Variants in TRPM7 observed in about 807,000 individuals in gnomAD.
TRPM7 encodes the protein LTRPC ion channel family member 7.
A neutral mutation model predicts 229.7 loss-of-function variants in TRPM7; 134 were observed. That is an observed-to-expected ratio of 0.58 (90% CI 0.51 to 0.67). The LOEUF is 0.67. TRPM7 is among the 30% of genes least tolerant of loss of function. The pLI is 0.00. For missense variants in TRPM7, 1,901 were observed against 2,210.0 expected, an observed-to-expected ratio of 0.86 and a Z score of 2.80; for synonymous variants, 699 against 715.2, an observed-to-expected ratio of 0.98 and a Z score of 0.36.
At chr15:50,617,816 C>T (rs999705983) in intron 13 of TRPM7, among the ~76,000 whole-genome samples, 2 of 151,814 alleles carry the variant, frequency 1.3e-5, no homozygotes, top group Non-Finnish European at 2.9e-5. Flanking sequence ...GACAACATGC[C>T]GGGCTAATTT....
At position 50,635,280 on chromosome 15, in the gene TRPM7, T is replaced by C. The variant is rs1306673878; in HGVS notation, c.833-724A>G. 2.4e-5 allele frequency among the ~76,000 whole-genome samples: 3 copies of C among 122,952 alleles called. No individual in the cohort carries two copies. In the East Asian group the frequency reaches 7.9e-4, roughly 32 times the overall value. 80.7% of individuals were successfully genotyped at this position (122,952 alleles called of 152,430 possible). ...TTGCAGTGAGCCAAGATCATGCCAC[T>C]GCACTCCAGCCTGGTGACAGAGCGA... On this transcript the variant is annotated intron_variant, in intron 7 of 38. Transcript: ENST00000646667.
chr15:50,593,112 A>G (rs1352669357), intron 25 of TRPM7, among the ~76,000 whole-genome samples: 4 of 152,008 alleles, frequency 2.6e-5, no homozygotes, highest in Admixed American at 2.0e-4. Flanking sequence ...AACATGTTGA[A>G]ACCCTGTCTC....
In TRPM7 at chr15:50,629,092, T is replaced by C. The variant is rs879819543; in HGVS notation, c.1205-843A>G. ...TTTTGAATTTTTTGCTGAGTATGTT[T>C]TCATGCACATGCTTGATTATTCAAA... On this transcript the variant is annotated intron_variant, in intron 10 of 38. Coordinates refer to ENST00000646667, the MANE Select transcript of TRPM7 (RefSeq NM_017672.6). Among the ~76,000 whole-genome samples, 54 of 152,222 alleles carry C rather than the reference T, an allele frequency of 3.5e-4. 1 individual carries two copies. The highest frequency in any genetic ancestry group is 3.4e-3 in the Middle Eastern group (1 of 292).
chr15:50,588,389 G>T (rs1395896077), intron 27 of TRPM7: 4 of 139,176 alleles, frequency 2.9e-5, no homozygotes, highest in Non-Finnish European at 6.2e-5. Context: ...CTAGTTAATA[G>T]ATATTAAATT....
chr15:50,676,710 G>A (rs1011751570), intron 1 of TRPM7, among the ~76,000 whole-genome samples: 7 of 152,088 alleles, frequency 4.6e-5, no homozygotes, highest in East Asian at 3.9e-4. Flanking sequence ...CCTGAAAACA[G>A]TCCCCATCCT....
chr15:50,578,676 C>T lies in TRPM7; in HGVS notation c.4593-12G>A. The T allele has an allele frequency of 6.2e-7, 1 of 1,603,834 alleles. No individual in the cohort carries two copies. The highest frequency in any genetic ancestry group is 1.1e-5 in the South Asian group (1 of 89,418). On this transcript the variant is annotated splice_polypyrimidine_tract_variant and intron_variant, in intron 30 of 38. Transcript: ENST00000646667. ...CTTCTTCAGATGGCCTAAAGAAACA[C>T]CAAAAAATATAGTATAAGCTGTGCT...
In TRPM7 at chr15:50,657,824, T is replaced by C; in HGVS notation, c.84-5A>G. The C allele has an allele frequency of 1.2e-6, 2 of 1,610,070 alleles. No individual in the cohort carries two copies. The highest frequency in any genetic ancestry group is 1.1e-5 in the South Asian group (1 of 90,420). ...ATTTGACATCCTGGAAGGCATCTAT[T>C]GAACACAAAAAGGTAAATAAATTAT... On this transcript the variant is annotated splice_region_variant and splice_polypyrimidine_tract_variant and intron_variant, in intron 2 of 38. Coordinates refer to ENST00000646667, the MANE Select transcript of TRPM7 (RefSeq NM_017672.6).
chr15:50,603,154 AG>A (rs1217812117), intron 21 of TRPM7, among the ~76,000 whole-genome samples: 2 of 152,116 alleles, frequency 1.3e-5, no homozygotes, highest in African/African-American at 2.4e-5. Flanking sequence ...TTCTCAATTA[AG>A]GGGGGGAAGA....
chr15:50,679,538 A>ATTTTT (rs58783893), intron 1 of TRPM7, among the ~76,000 whole-genome samples: 15 of 43,898 alleles, frequency 3.4e-4, no homozygotes, highest in African/African-American at 1.4e-3. Flanking sequence ...ATATATATAT[A>ATTTTT]TTTTTTTTTT....
chr15:50,619,341 C>A (rs1596216982), intron 13 of TRPM7, among the ~76,000 whole-genome samples: 2 of 151,920 alleles, frequency 1.3e-5, no homozygotes, highest in Non-Finnish European at 2.9e-5. Flanking sequence ...CCACCTCAGC[C>A]TCCCGAGTAG....
At position 50,686,578 on chromosome 15, in the gene TRPM7, T is replaced by C; in HGVS notation, c.-45A>G. The C allele has an allele frequency of 6.2e-7, 1 of 1,606,522 alleles. No homozygotes were observed. The highest frequency in any genetic ancestry group is 8.5e-7 in the Non-Finnish European group (1 of 1,175,976). On this transcript the variant is annotated 5_prime_UTR_variant, in exon 1 of 39. Transcript: ENST00000646667. ...CCGGAAGGGCAGCAACTCCACCTCC[T>C]CCTCCTCCGCGGCCTGTAGCCATCT...
intron 3 of TRPM7, among the ~76,000 whole-genome samples, 186 bp from the exon 4 acceptor site, chr15:50,649,071 T>C (rs888958330): frequency 3.3e-5 from 5 of 152,084 alleles, no homozygotes; most frequent in African/African-American, 7.2e-5. Flanking sequence ...ACTGAAATAG[T>C]ATAATTAGTC....
chr15:50,638,186 C>T (rs565567085), intron 6 of TRPM7, among the ~76,000 whole-genome samples: 2 of 150,924 alleles, frequency 1.3e-5, no homozygotes, highest in East Asian at 1.9e-4. Flanking sequence ...GGTGAAACCC[C>T]GTCTCTACTA....
intron 17 of TRPM7, 150 bp downstream of exon 17, chr15:50,610,943 T>A (rs1322226064): frequency 3.2e-6 from 2 of 633,214 alleles, no homozygotes; most frequent in East Asian, 5.5e-5. Flanking sequence ...TTATACCACT[T>A]GGGATGAAAT....
At chr15:50,651,942 A>G (rs1596308810) in intron 3 of TRPM7, among the ~76,000 whole-genome samples, 1 of 152,064 alleles carries the variant, frequency 6.6e-6, no homozygotes, top group East Asian at 1.9e-4. Flanking sequence ...TAAAGGTTTT[A>G]AAAATTTCAT....
At chr15:50,592,818 T>C (rs2059540042) in intron 25 of TRPM7, among the ~76,000 whole-genome samples, 192 bp from the exon 26 acceptor site, 1 of 152,204 alleles carries the variant, frequency 6.6e-6, no homozygotes. Flanking sequence ...TAATCTTATA[T>C]TAAAATGCAA....
At chr15:50,634,309 A>G in intron 8 of TRPM7, 73 bp downstream of exon 8, 1 of 1,206,970 alleles carries the variant, frequency 8.3e-7, no homozygotes, top group Non-Finnish European at 1.1e-6. Context: ...TGGGAGACAC[A>G]GCAAGACTCC....
chr15:50,672,074 T>C (rs1306269518), intron 1 of TRPM7, among the ~76,000 whole-genome samples: 1 of 152,130 alleles, frequency 6.6e-6, no homozygotes, highest in Non-Finnish European at 1.5e-5. Flanking sequence ...TTTTGTTTTT[T>C]GAGACGGAGT....
At chr15:50,648,585 T>C (rs535669874) in intron 4 of TRPM7, 102 bp downstream of exon 4, 30 of 1,027,408 alleles carry the variant, frequency 2.9e-5, no homozygotes, top group Non-Finnish European at 3.8e-5. Context: ...AATATACAAA[T>C]AAATTACTGA....
Sources: gnomAD v4.1 joint callset for allele counts (sites outside exome capture counted in the v4.1 genomes callset) on GRCh38, gnomAD v4.1.1 for gene constraint, MANE v1.5 for transcripts, NCBI Gene and HGNC (gene_info 2026-07-23, HGNC 2026-07-21) for gene names.